ACYP2: variants seen among roughly 807,000 people sequenced by gnomAD.
The protein encoded by ACYP2 is acylphosphatase 2.
A neutral mutation model predicts 11.2 loss-of-function variants in ACYP2; 12 were observed. The observed-to-expected ratio is 1.08, with a 90% CI of 0.69 to 1.74. The LOEUF (loss-of-function observed/expected upper bound fraction) is 1.74. ACYP2 is among the 40% of genes most tolerant of loss of function. The probability of loss-of-function intolerance (pLI) is 0.00; values close to 1 mark genes in which losing one functional copy is unlikely to be tolerated. For missense variants in ACYP2, 134 were observed against 101.9 expected (o/e 1.31, Z -1.35); for synonymous variants, 43 against 32.2 (o/e 1.33, Z -1.13).
chr2:54,274,459 A>G (rs1573032479), intron 6 of ACYP2, among the ~76,000 whole-genome samples: 1 of 152,016 alleles, frequency 6.6e-6, no homozygotes, highest in East Asian at 1.9e-4. Context: ...TGGGCAACAT[A>G]GTGAGCCCAT....
chr2:54,186,984 G>C (rs1684034820), intron 6 of ACYP2, among the ~76,000 whole-genome samples: 1 of 151,864 alleles, frequency 6.6e-6, no homozygotes, highest in Non-Finnish European at 1.5e-5. Flanking sequence ...GAGGACAAAG[G>C]CACATTGTCC....
chr2:54,011,612 T>C (rs1489095046), intron 2 of ACYP2, among the ~76,000 whole-genome samples: 1 of 152,206 alleles, frequency 6.6e-6, no homozygotes, highest in Non-Finnish European at 1.5e-5. Context: ...GCCCTTTCCC[T>C]AGTGGAAAAT....
chr2:54,256,457 AG>A (rs1183707717), intron 6 of ACYP2, among the ~76,000 whole-genome samples: 1 of 152,170 alleles, frequency 6.6e-6, no homozygotes, highest in Non-Finnish European at 1.5e-5. Flanking sequence ...GTTGGCCACT[AG>A]GATATTCTCT....
At chr2:54,187,152 C>G (rs1182498615) in intron 6 of ACYP2, among the ~76,000 whole-genome samples, 1 of 152,094 alleles carries the variant, frequency 6.6e-6, no homozygotes, top group Non-Finnish European at 1.5e-5. Context: ...GACGTAAGGG[C>G]ACATGCAATC....
intron 6 of ACYP2, among the ~76,000 whole-genome samples, chr2:54,219,144 C>G (rs184763628): frequency 5.5e-4 from 84 of 152,206 alleles, no homozygotes; most frequent in Middle Eastern, 6.8e-3. Flanking sequence ...CACAGCTGGA[C>G]AGTAAGTGCT....
chr2:54,141,832 C>G (rs1350540010), intron 6 of ACYP2: 1 of 532,026 alleles, frequency 1.9e-6, no homozygotes, highest in African/African-American at 1.9e-5. Context: ...TTAAGATAAA[C>G]TTTATGTATT....
chr2:54,187,302 A>C (rs1684055047), intron 6 of ACYP2, among the ~76,000 whole-genome samples: 1 of 152,174 alleles, frequency 6.6e-6, no homozygotes, highest in Non-Finnish European at 1.5e-5. Flanking sequence ...CAGGGATGTC[A>C]TTGGCGTGAT....
chr2:54,069,511 A>T (rs1033482285), intron 4 of ACYP2, among the ~76,000 whole-genome samples: 5 of 151,952 alleles, frequency 3.3e-5, no homozygotes, highest in Non-Finnish European at 5.9e-5. Flanking sequence ...AAATACAAAA[A>T]ATTAGCCGGG....
At chr2:54,101,447 G>A (rs2103702088) in intron 4 of ACYP2, among the ~76,000 whole-genome samples, 1 of 152,216 alleles carries the variant, frequency 6.6e-6, no homozygotes, top group South Asian at 2.1e-4. Context: ...GAGGTGAGCA[G>A]ATCACGAGGT....
At chr2:54,029,229 A>G (rs1375999800) in intron 2 of ACYP2, among the ~76,000 whole-genome samples, 1 of 152,070 alleles carries the variant, frequency 6.6e-6, no homozygotes, top group African/African-American at 2.4e-5. Flanking sequence ...GAGGGTGAAG[A>G]GGAAGTTTTC....
chr2:54,140,842 G>A (rs187982636), intron 6 of ACYP2, among the ~76,000 whole-genome samples: 97 of 152,174 alleles, frequency 6.4e-4, no homozygotes, highest in African/African-American at 2.1e-3. Flanking sequence ...GATTGCATAG[G>A]TTCCCAGGAG....
rs535960083 is a variant in ACYP2, at chr2:54,170,037, C to T, written c.404+31289C>T. ...CTAGTCTTTCCTTCCCTCATTTCCT[C>T]ATTATGCTTTTATATGACTTTTGGT... On this transcript the variant is annotated intron_variant, in intron 6 of 6. Coordinates refer to ENST00000607452, the MANE Select transcript of ACYP2 (RefSeq NM_001320586.2). 3.3e-5 allele frequency among the ~76,000 whole-genome samples: 5 copies of T among 152,266 alleles called. No individual in the cohort carries two copies. The South Asian group carries it at 1.0e-3, about 32-fold the overall frequency.
intron 2 of ACYP2, among the ~76,000 whole-genome samples, chr2:54,048,403 G>A (rs972010472): frequency 6.6e-6 from 1 of 152,126 alleles, no homozygotes; most frequent in African/African-American, 2.4e-5. Flanking sequence ...TCCAGCCTGA[G>A]TGATGGAGTG....
intron 6 of ACYP2, chr2:54,254,643 G>GT: frequency 2.5e-6 from 1 of 406,058 alleles, no homozygotes; most frequent in South Asian, 4.3e-5. Context: ...TAAATACAGT[G>GT]TAACCTACAG....
At chr2:54,248,038 G>GTAA (rs529767809) in intron 6 of ACYP2, among the ~76,000 whole-genome samples, 212 of 152,316 alleles carry the variant, frequency 1.4e-3, no homozygotes, top group African/African-American at 4.9e-3. Context: ...GTTAATGGCT[G>GTAA]TAATAAAGCC....
At chr2:54,122,197 A>C (rs528812061) in intron 4 of ACYP2, among the ~76,000 whole-genome samples, 1 of 152,382 alleles carries the variant, frequency 6.6e-6, no homozygotes, top group Admixed American at 6.5e-5. Flanking sequence ...AGGTTACAAT[A>C]TAAAAAATAG....
intron 2 of ACYP2, among the ~76,000 whole-genome samples, chr2:54,049,335 A>T (rs1460235340): frequency 2.0e-5 from 3 of 151,992 alleles, no homozygotes; most frequent in Non-Finnish European, 4.4e-5. Flanking sequence ...ATCTTATAAG[A>T]CTGCCTTACC....
intron 2 of ACYP2, chr2:53,975,260 A>T (rs1167314488): frequency 1.0e-5 from 4 of 398,264 alleles, no homozygotes; most frequent in Non-Finnish European, 1.8e-5. Flanking sequence ...GCAGTTCCAG[A>T]TGACAATGAG....
At chr2:54,145,586 A>C (rs969765451) in intron 6 of ACYP2, among the ~76,000 whole-genome samples, 2 of 152,156 alleles carry the variant, frequency 1.3e-5, no homozygotes, top group African/African-American at 4.8e-5. Context: ...ATGCTTTCAG[A>C]CATTCTTGTT....
Sources: gnomAD v4.1 joint callset for allele counts (sites outside exome capture counted in the v4.1 genomes callset) on GRCh38, gnomAD v4.1.1 for gene constraint, MANE v1.5 for transcripts, NCBI Gene and HGNC (gene_info 2026-07-23, HGNC 2026-07-21) for gene names.